The following SUN3 variants were observed in gnomAD, a reference collection of about 807,000 sequenced individuals.
The protein encoded by SUN3 is Sad1 and UNC84 domain containing 3.
SUN3 carries 36 observed loss-of-function variants against 48.2 expected under a neutral mutation model. The ratio of observed to expected loss-of-function variants is 0.75; its 90% CI spans 0.57 to 0.99. The LOEUF (loss-of-function observed/expected upper bound fraction) is 0.99, where lower values mean the gene tolerates loss of function less well. Among genes scored for constraint, SUN3 ranks in the 50% least tolerant of loss-of-function variants. The pLI is 0.00. For synonymous variants in SUN3, 148 were observed against 147.9 expected, an observed-to-expected ratio of 1.00 and a Z score of 0.00; for missense variants, 419 against 433.1, an observed-to-expected ratio of 0.97 and a Z score of 0.29.
intron 8 of SUN3, among the ~76,000 whole-genome samples, chr7:47,991,789 G>C (rs1170829201): frequency 6.6e-6 from 1 of 152,120 alleles, no homozygotes; most frequent in Non-Finnish European, 1.5e-5. Flanking sequence ...GGAGCGTGTG[G>C]GTGAAAGCGT....
At chr7:48,015,867 C>T (rs925719446) in intron 3 of SUN3, among the ~76,000 whole-genome samples, 1 of 152,192 alleles carries the variant, frequency 6.6e-6, no homozygotes, top group African/African-American at 2.4e-5. Context: ...GAATTCAGTT[C>T]ATGGTTTGAC....
upstream of SUN3, among the ~76,000 whole-genome samples, chr7:48,032,705 G>T (rs1230744933): frequency 6.6e-6 from 1 of 152,278 alleles, no homozygotes; most frequent in Non-Finnish European, 1.5e-5. Flanking sequence ...GTGAGACTAT[G>T]TTGTATGTTC....
intron 2 of SUN3, 142 bp from the exon 3 acceptor site, chr7:48,017,507 ATGG>A: frequency 1.6e-6 from 1 of 628,346 alleles, no homozygotes; most frequent in Non-Finnish European, 2.8e-6. Context: ...ATCATGGAAA[ATGG>A]TGGAATAGTA....
At chr7:48,016,506 T>C (rs769422817) in intron 3 of SUN3, among the ~76,000 whole-genome samples, 14 of 152,138 alleles carry the variant, frequency 9.2e-5, no homozygotes, top group Admixed American at 2.6e-4. Context: ...TGGACAAGGC[T>C]TATTCTGGAA....
At chr7:48,012,101 C>T (rs989065436) in intron 3 of SUN3, among the ~76,000 whole-genome samples, 8 of 152,210 alleles carry the variant, frequency 5.3e-5, no homozygotes, top group African/African-American at 1.9e-4. Context: ...TCCTAGGAAC[C>T]TTCCTAAAAC....
the SUN3 span, chr7:48,035,624 G>A: frequency 1.5e-6 from 1 of 687,216 alleles, no homozygotes; most frequent in Non-Finnish European, 2.6e-6. This position sits in a 1 kb window ranked among gnomAD's most constrained non-coding sequence, Gnocchi z 4.0. Context: ...AGACCCGCGG[G>A]GAGCTGGTGA....
At chr7:48,017,655 G>A (rs187835728) in intron 2 of SUN3, among the ~76,000 whole-genome samples, 1 of 152,320 alleles carries the variant, frequency 6.6e-6, no homozygotes, top group East Asian at 1.9e-4. Flanking sequence ...CTAGTTTCTA[G>A]AAACAGAGCA....
At chr7:47,997,706 T>C (rs182941937) in intron 6 of SUN3, among the ~76,000 whole-genome samples, 2 of 152,266 alleles carry the variant, frequency 1.3e-5, no homozygotes, top group African/African-American at 2.4e-5. Context: ...AAGGAACCCA[T>C]AGTGGTTAGC....
chr7:48,021,600 A>T (rs1348500499), intron 2 of SUN3, among the ~76,000 whole-genome samples: 1 of 152,100 alleles, frequency 6.6e-6, no homozygotes, highest in Non-Finnish European at 1.5e-5. Context: ...CTGATAAAAA[A>T]ATGGGCCAAA....
chr7:48,017,206 T>G, intron 3 of SUN3, 56 bp downstream of exon 3: 1 of 859,298 alleles, frequency 1.2e-6, no homozygotes, highest in East Asian at 2.6e-5. Flanking sequence ...GAACTAGCCT[T>G]GTAGCATATT....
the SUN3 span, among the ~76,000 whole-genome samples, chr7:48,035,130 T>G: frequency 1.3e-5 from 2 of 152,232 alleles, no homozygotes; most frequent in Non-Finnish European, 2.9e-5. The surrounding 1 kb of genome is among the most constrained non-coding windows in gnomAD (Gnocchi z 4.0). Context: ...GAGACAGTTA[T>G]ACTTATTTGG....
chr7:48,020,413 G>T (rs1309755655), intron 2 of SUN3, among the ~76,000 whole-genome samples: 1 of 152,160 alleles, frequency 6.6e-6, no homozygotes, highest in East Asian at 1.9e-4. Flanking sequence ...AACACGACAA[G>T]GTTGCTCACT....
In SUN3 at chr7:48,009,090, A is replaced by G; in HGVS notation, c.289-15T>C. ...CGAAGTCTGGCCTGAAAACAACAGAAAAAGATAAATCATTCTGAATTCTGC... is the reference window on the plus strand; with the variant it reads ...CGAAGTCTGGCCTGAAAACAACAGAGAAAGATAAATCATTCTGAATTCTGC... On this transcript the variant is annotated splice_polypyrimidine_tract_variant and intron_variant, in intron 3 of 9. Coordinates refer to ENST00000297325, the MANE Select transcript of SUN3 (RefSeq NM_001030019.2). The G allele has an allele frequency of 6.2e-7, 1 of 1,607,842 alleles. No individual in the cohort carries two copies. Among genetic ancestry groups the G allele is most frequent in the Non-Finnish European group, 8.5e-7 (1 of 1,178,294 alleles).
At chr7:48,023,809 G>A (rs1221687275) in intron 2 of SUN3, among the ~76,000 whole-genome samples, 1 of 152,124 alleles carries the variant, frequency 6.6e-6, no homozygotes, top group Non-Finnish European at 1.5e-5. Flanking sequence ...TGCTAAGATG[G>A]CAACACTACC....
intron 3 of SUN3, among the ~76,000 whole-genome samples, chr7:48,015,110 A>G (rs1056948864): frequency 6.6e-6 from 1 of 152,186 alleles, no homozygotes; most frequent in Non-Finnish European, 1.5e-5. Flanking sequence ...CACAAAATTA[A>G]CCATCACAAC....
At chr7:48,033,094 C>T (rs888265001), upstream of SUN3, among the ~76,000 whole-genome samples, 1 of 151,936 alleles carries the variant, frequency 6.6e-6, no homozygotes, top group African/African-American at 2.4e-5. Context: ...AATACTGAGG[C>T]CGATTATGTG....
At chr7:48,023,216 G>A (rs952265937) in intron 2 of SUN3, among the ~76,000 whole-genome samples, 1 of 152,058 alleles carries the variant, frequency 6.6e-6, no homozygotes, top group Non-Finnish European at 1.5e-5. Context: ...GGTACCCAAT[G>A]TGTAAAGATG....
the SUN3 span, chr7:48,035,778 G>C: frequency 1.7e-6 from 1 of 583,132 alleles, no homozygotes; most frequent in African/African-American, 1.9e-5. The surrounding 1 kb of genome is among the most constrained non-coding windows in gnomAD (Gnocchi z 4.0). Flanking sequence ...GCACAGGGCG[G>C]GATCTCCAAG....
chr7:48,006,963 G>T (rs528672081), intron 5 of SUN3, among the ~76,000 whole-genome samples: 5 of 152,294 alleles, frequency 3.3e-5, no homozygotes, highest in African/African-American at 1.2e-4. Context: ...TAAGTCATAT[G>T]CAATAGAATG....
Sources: gnomAD v4.1 joint callset for allele counts (sites outside exome capture counted in the v4.1 genomes callset) on GRCh38, gnomAD v4.1.1 for gene constraint, Gnocchi (gnomAD v3.1) non-coding constraint, MANE v1.5 for transcripts, NCBI Gene and HGNC (gene_info 2026-07-23, HGNC 2026-07-21) for gene names.